Variants in AGAP1 observed in about 807,000 individuals in gnomAD.
AGAP1 encodes arf-GAP with GTPase, ANK repeat and PH domain-containing protein 1.
In AGAP1, 29 loss-of-function variants were observed where a neutral mutation model predicts 105.3. The ratio of observed to expected loss-of-function variants is 0.28; its 90% CI spans 0.21 to 0.38. AGAP1 has a LOEUF of 0.38. Among genes scored for constraint, AGAP1 ranks in the 10% least tolerant of loss-of-function variants. The pLI, the probability that AGAP1 is intolerant of heterozygous loss-of-function variation, is 1.00. For synonymous variants in AGAP1, 509 were observed against 485.9 expected (o/e 1.05, Z -0.63); for missense variants, 998 against 1,165.1 (o/e 0.86, Z 2.09).
intron 1 of AGAP1, among the ~76,000 whole-genome samples, chr2:235,699,501 G>A (rs896936562): frequency 2.6e-5 from 4 of 152,046 alleles, no homozygotes; most frequent in African/African-American, 9.7e-5. Flanking sequence ...GGGTTAAATG[G>A]GATCCTGGAT....
chr2:236,072,193 G>A (rs1311808853), intron 16 of AGAP1: 1 of 148,154 alleles, frequency 6.7e-6, no homozygotes, highest in African/African-American at 2.5e-5. Context: ...TATAATCCCA[G>A]GACTTTGGGA....
At position 236,062,630 on chromosome 2, in the gene AGAP1, C is replaced by T. The variant is rs147372943; in HGVS notation, c.2114+13349C>T. 6.6e-6 allele frequency among the ~76,000 whole-genome samples: 1 copy of T among 151,964 alleles called. No individual in the cohort carries two copies. The highest frequency in any genetic ancestry group is 1.9e-4 in the East Asian group (1 of 5,170). ...AGCTGGGACTACAGCCACATGCCTC[C>T]ACACTCAGCTATTTTGTTTGTTTGT... On this transcript the variant is annotated intron_variant, in intron 16 of 17. Transcript: ENST00000304032. This position sits in a 1 kb window ranked among gnomAD's most constrained non-coding sequence, Gnocchi z 4.2.
At chr2:235,909,826 GCCTGGCCAA>G (rs1299221461) in intron 11 of AGAP1, among the ~76,000 whole-genome samples, 1 of 152,128 alleles carries the variant, frequency 6.6e-6, no homozygotes, top group African/African-American at 2.4e-5. Context: ...TTCGAGACCA[GCCTGGCCAA>G]CCTGGTGAAA....
At position 235,970,206 on chromosome 2, in the gene AGAP1, T is replaced by TAA. The variant is rs35825564; in HGVS notation, c.1645+1604_1645+1605dup. 8.3e-4 allele frequency among the ~76,000 whole-genome samples: 98 copies of TAA among 117,870 alleles called. 1 individual carries two copies. Among genetic ancestry groups the TAA allele is most frequent in the African/African-American group, 5.5e-4 (17 of 30,654 alleles). 77.3% of individuals were successfully genotyped at this position (117,870 alleles called of 152,430 possible). A position where few individuals can be genotyped will look rare whatever the true frequency, so the allele number is the denominator to read the frequency against. Reference sequence around the variant, plus strand: ...GGGCGACAGAGTGAGACTCTGTCTTTAAAAAAAAAAAAAAAAAAAAAAGAC... The same window carrying TAA: ...GGGCGACAGAGTGAGACTCTGTCTTTAAAAAAAAAAAAAAAAAAAAAAAAGAC... On this transcript the variant is annotated intron_variant, in intron 13 of 17. Coordinates refer to ENST00000304032, the MANE Select transcript of AGAP1 (RefSeq NM_001037131.3). The surrounding 1 kb of genome is among the most constrained non-coding windows in gnomAD (Gnocchi z 5.4).
rs1218366104 is a variant in AGAP1 at position 235,962,770 on chromosome 2, G to A, written c.1484-5692G>A. ...GAAGCTCTGGTTGAAATTCCATGGG[G>A]TTTCTCGCTATTGATATTTTAGGTA... On this transcript the variant is annotated intron_variant, in intron 12 of 17. Coordinates refer to ENST00000304032, the MANE Select transcript of AGAP1 (RefSeq NM_001037131.3). This position sits in a 1 kb window ranked among gnomAD's most constrained non-coding sequence, Gnocchi z 5.3. Among the ~76,000 whole-genome samples the A allele has an allele frequency of 6.6e-6, 1 of 152,142 alleles. No individual in the cohort carries two copies. The highest frequency in any genetic ancestry group is 1.5e-5 in the Non-Finnish European group (1 of 68,022).
rs939191921 is a variant in AGAP1 at position 235,739,856 on chromosome 2, G to A, written c.311-1107G>A. 3.3e-5 allele frequency among the ~76,000 whole-genome samples: 5 copies of A among 152,184 alleles called. No homozygotes were observed. Among genetic ancestry groups the A allele is most frequent in the African/African-American group, 1.2e-4 (5 of 41,440 alleles). On this transcript the variant is annotated intron_variant, in intron 3 of 17. Transcript: ENST00000304032. The surrounding 1 kb of genome is among the most constrained non-coding windows in gnomAD (Gnocchi z 5.3). Reference sequence around the variant, plus strand: ...GATTCTAGGAGGGAAGGTTCCCGTCGCAGGGGAGGGAATCAGACGTCGCTC... The same window carrying A: ...GATTCTAGGAGGGAAGGTTCCCGTCACAGGGGAGGGAATCAGACGTCGCTC...
At chr2:235,616,747 G>C (rs1162747405) in intron 1 of AGAP1, among the ~76,000 whole-genome samples, 1 of 152,172 alleles carries the variant, frequency 6.6e-6, no homozygotes, top group African/African-American at 2.4e-5. Flanking sequence ...CTTAATAAAT[G>C]TTTCTGTCCT....
chr2:235,986,632 T>C (rs2055326987), intron 13 of AGAP1, among the ~76,000 whole-genome samples: 1 of 152,230 alleles, frequency 6.6e-6, no homozygotes, highest in Non-Finnish European at 1.5e-5. Context: ...TCTTACTGTT[T>C]TGAGATACAT....
intron 16 of AGAP1, among the ~76,000 whole-genome samples, chr2:236,112,560 C>G (rs923564261): frequency 6.6e-6 from 1 of 152,182 alleles, no homozygotes. Context: ...GTTCTGTCGT[C>G]GCTGGGTTGG....
At chr2:235,999,507 GTGA>G (rs2055996455) in intron 13 of AGAP1, among the ~76,000 whole-genome samples, 1 of 143,956 alleles carries the variant, frequency 6.9e-6, no homozygotes, top group African/African-American at 2.6e-5. Context: ...GGTGGTAGTG[GTGA>G]TGGTGGTGGT....
In AGAP1 at chr2:235,499,172, G is replaced by T. The variant is rs192443320; in HGVS notation, c.163+4323G>T. Among the ~76,000 whole-genome samples the T allele has an allele frequency of 3.3e-5, 5 of 152,298 alleles. No individual in the cohort carries two copies. The East Asian group carries it at 9.7e-4, about 29-fold the overall frequency. On this transcript the variant is annotated intron_variant, in intron 1 of 17. Transcript: ENST00000304032. ...CTCACCTCTGGCCCTCTGTCGCCGT[G>T]TGAGATTGCGGAGCCCCTGTTATTC...
In AGAP1 at chr2:236,051,996, C is replaced by T. The variant is rs890731223; in HGVS notation, c.2114+2715C>T. 2.0e-5 allele frequency among the ~76,000 whole-genome samples: 3 copies of T among 152,164 alleles called. No homozygotes were observed. The highest frequency in any genetic ancestry group is 4.8e-5 in the African/African-American group (2 of 41,426). On this transcript the variant is annotated intron_variant, in intron 16 of 17. Transcript: ENST00000304032. This position sits in a 1 kb window ranked among gnomAD's most constrained non-coding sequence, Gnocchi z 5.9. Reference sequence around the variant, plus strand: ...TCTCCGCAAGCCGGTCTGTCCATGACGTGAGAAGATTCTGCCTTTCGAAGC... The same window carrying T: ...TCTCCGCAAGCCGGTCTGTCCATGATGTGAGAAGATTCTGCCTTTCGAAGC...
At chr2:235,950,478 G>A (rs1190995284) in intron 12 of AGAP1, among the ~76,000 whole-genome samples, 6 of 152,052 alleles carry the variant, frequency 3.9e-5, no homozygotes, top group Admixed American at 2.6e-4. Flanking sequence ...GTACTCCTGA[G>A]GTTTGGGGGC....
At chr2:235,495,740 C>G (rs1228630897) in intron 1 of AGAP1, among the ~76,000 whole-genome samples, 5 of 152,196 alleles carry the variant, frequency 3.3e-5, no homozygotes, top group African/African-American at 4.8e-5. Flanking sequence ...GATTTATTTT[C>G]TTGCTTCATC....
intron 1 of AGAP1, among the ~76,000 whole-genome samples, chr2:235,537,405 G>T (rs537617834): frequency 1.3e-5 from 2 of 152,162 alleles, no homozygotes; most frequent in Non-Finnish European, 2.9e-5. Flanking sequence ...GAAGCAGGGA[G>T]GCCAGGCGGG....
Position 235,779,828 on chromosome 2 carries a change from G to T in AGAP1, c.674-17931G>T, listed in dbSNP as rs562339161. Among the ~76,000 whole-genome samples, 3 of 152,348 alleles carry T rather than the reference G, an allele frequency of 2.0e-5. No homozygotes were observed. In the East Asian group the frequency reaches 5.8e-4, roughly 29 times the overall value. ...ACTGGAAGCTCATGGCTGAAGCCTG[G>T]ACCGCTGTCAGAACTGTGCAGCCTA... On this transcript the variant is annotated intron_variant, in intron 6 of 17. Transcript: ENST00000304032.
intron 10 of AGAP1, among the ~76,000 whole-genome samples, chr2:235,892,010 C>T (rs1241220007): frequency 6.6e-6 from 1 of 152,092 alleles, no homozygotes; most frequent in Non-Finnish European, 1.5e-5. Context: ...AAAAACTAAC[C>T]AGGTGTGCTG....
Position 235,582,943 on chromosome 2 carries a change from C to T in AGAP1, c.163+88094C>T, listed in dbSNP as rs1452118671. Reference sequence around the variant, plus strand: ...GAAGCTTGTAAGGCTGCTTTCCACTCATTTTATGTTGTTGGGATTTGGCTC... The same window carrying T: ...GAAGCTTGTAAGGCTGCTTTCCACTTATTTTATGTTGTTGGGATTTGGCTC... On this transcript the variant is annotated intron_variant, in intron 1 of 17. Transcript: ENST00000304032. The surrounding 1 kb of genome is among the most constrained non-coding windows in gnomAD (Gnocchi z 4.7). Among the ~76,000 whole-genome samples, 16 of 152,334 alleles carry T rather than the reference C, an allele frequency of 1.1e-4. No individual in the cohort carries two copies. Among genetic ancestry groups the T allele is most frequent in the Middle Eastern group, 3.4e-3 (1 of 294 alleles).
intron 6 of AGAP1, among the ~76,000 whole-genome samples, chr2:235,775,166 C>G (rs1955768125): frequency 6.6e-6 from 1 of 152,182 alleles, no homozygotes; most frequent in African/African-American, 2.4e-5. Context: ...ACAGGTCCTG[C>G]AGGTGTCCAG....
Sources: gnomAD v4.1 joint callset for allele counts (sites outside exome capture counted in the v4.1 genomes callset) on GRCh38, gnomAD v4.1.1 for gene constraint, Gnocchi (gnomAD v3.1) non-coding constraint, MANE v1.5 for transcripts, NCBI Gene and HGNC (gene_info 2026-07-23, HGNC 2026-07-21) for gene names.